The following NKAIN3 variants were observed in gnomAD, a reference collection of about 807,000 sequenced individuals.
NKAIN3 encodes the protein sodium/potassium transporting ATPase interacting 3, also known as sodium/potassium-transporting ATPase subunit beta-1-interacting protein 3.
NKAIN3 carries 25 observed loss-of-function variants against 30.2 expected under a neutral mutation model. That is an observed-to-expected ratio of 0.83 (90% CI 0.60 to 1.16). NKAIN3 has a LOEUF of 1.16. NKAIN3 is among the 50% of genes most tolerant of loss of function. NKAIN3 has a pLI of 0.00. For missense variants in NKAIN3, 225 were observed against 254.1 expected, an observed-to-expected ratio of 0.89 and a Z score of 0.78; for synonymous variants, 91 against 89.6, an observed-to-expected ratio of 1.02 and a Z score of -0.09.
chr8:62,529,064 C>A (rs1035939573), intron 1 of NKAIN3, among the ~76,000 whole-genome samples: 7 of 152,070 alleles, frequency 4.6e-5, no homozygotes, highest in Non-Finnish European at 7.4e-5. Context: ...CAATCTTTTT[C>A]TTCTTTATCA....
intron 4 of NKAIN3, among the ~76,000 whole-genome samples, chr8:62,806,562 C>A (rs985600880): frequency 1.3e-5 from 2 of 151,980 alleles, no homozygotes; most frequent in African/African-American, 2.4e-5. Flanking sequence ...GGACAAAAAA[C>A]CAAACACCGC....
chr8:62,745,240 C>T (rs1586154249), intron 3 of NKAIN3, among the ~76,000 whole-genome samples: 1 of 152,204 alleles, frequency 6.6e-6, no homozygotes, highest in South Asian at 2.1e-4. Flanking sequence ...ACACTGTCCT[C>T]AAAGGAACCT....
intron 5 of NKAIN3, among the ~76,000 whole-genome samples, chr8:62,934,037 G>T (rs1822705544): frequency 6.6e-6 from 1 of 152,176 alleles, no homozygotes; most frequent in Admixed American, 6.5e-5. Context: ...CACAATTTGT[G>T]TGTCTTTAAA....
chr8:62,555,754 T>G (rs2129955988), intron 1 of NKAIN3, among the ~76,000 whole-genome samples: 1 of 152,172 alleles, frequency 6.6e-6, no homozygotes, highest in South Asian at 2.1e-4. Flanking sequence ...AAAGATACAT[T>G]TTTTAAAATT....
intron 1 of NKAIN3, among the ~76,000 whole-genome samples, chr8:62,543,742 A>G (rs1808916277): frequency 6.6e-6 from 1 of 152,204 alleles, no homozygotes; most frequent in African/African-American, 2.4e-5. Flanking sequence ...AAGAAACTGA[A>G]AATCTCAGAT....
At chr8:62,440,803 C>T (rs965231888) in intron 1 of NKAIN3, among the ~76,000 whole-genome samples, 20 of 152,070 alleles carry the variant, frequency 1.3e-4, no homozygotes, top group African/African-American at 4.8e-4. Context: ...TAGCCATGGG[C>T]TGCCAGAGGC....
intron 1 of NKAIN3, among the ~76,000 whole-genome samples, chr8:62,513,345 C>T (rs912257932): frequency 3.3e-5 from 5 of 151,610 alleles, no homozygotes; most frequent in Admixed American, 1.3e-4. Context: ...AGTTGCTGCT[C>T]TCTCAGAGAT....
chr8:62,594,347 G>C (rs999359537), intron 3 of NKAIN3, among the ~76,000 whole-genome samples: 2 of 151,990 alleles, frequency 1.3e-5, no homozygotes, highest in African/African-American at 2.4e-5. Context: ...CATCTCTCCA[G>C]GAAATTCCTC....
At chr8:62,802,525 G>C (rs990386457) in intron 4 of NKAIN3, among the ~76,000 whole-genome samples, 1 of 152,152 alleles carries the variant, frequency 6.6e-6, no homozygotes, top group Admixed American at 6.5e-5. Context: ...AGCTTCATAA[G>C]TGAAGGAGAA....
rs373105086 is a variant in NKAIN3 at position 62,292,238 on chromosome 8, T to G, written c.54+43111T>G. Among the ~76,000 whole-genome samples the G allele has an allele frequency of 1.1e-4, 16 of 152,324 alleles. No homozygotes were observed. The East Asian group carries it at 2.9e-3, about 28-fold the overall frequency. On this transcript the variant is annotated intron_variant, in intron 1 of 6. Transcript: ENST00000623646. ...TTGGAGCATTAAGCCCATTTACATT[T>G]AAGTTTAATATTGTTATGTGTGAAT...
chr8:62,651,303 C>A (rs1016646846), intron 3 of NKAIN3, among the ~76,000 whole-genome samples: 1 of 151,940 alleles, frequency 6.6e-6, no homozygotes, highest in Non-Finnish European at 1.5e-5. Flanking sequence ...GTTCTTAGCA[C>A]CTTATATTAT....
At chr8:62,930,554 C>T (rs62508066) in intron 5 of NKAIN3, among the ~76,000 whole-genome samples, 3,086 of 151,874 alleles carry the variant, frequency 0.02, 47 homozygotes, top group Non-Finnish European at 0.032. Flanking sequence ...GCGACCTGCC[C>T]TCTATTCTAC....
intron 3 of NKAIN3, among the ~76,000 whole-genome samples, chr8:62,722,961 T>G (rs1378059505): frequency 6.6e-6 from 1 of 152,130 alleles, no homozygotes; most frequent in Non-Finnish European, 1.5e-5. Context: ...TGGTGACAAA[T>G]AAGAACCTGC....
At position 62,466,549 on chromosome 8, in the gene NKAIN3, C is replaced by T. The variant is rs150649310; in HGVS notation, c.55-112990C>T. 4.6e-5 allele frequency among the ~76,000 whole-genome samples: 7 copies of T among 152,260 alleles called. No homozygotes were observed. In the East Asian group the frequency reaches 1.4e-3, roughly 29 times the overall value. ...CTGCGGTTTCCAGCTCATACCCTGA[C>T]ACAAGAAAGGGCAAGGAGAGTTGTG... is the stretch of plus-strand genomic sequence containing the variant. On this transcript the variant is annotated intron_variant, in intron 1 of 6. Coordinates refer to ENST00000623646, the MANE Select transcript of NKAIN3 (RefSeq NM_001304533.3).
At chr8:62,326,755 G>A (rs1815151388) in intron 1 of NKAIN3, among the ~76,000 whole-genome samples, 1 of 152,046 alleles carries the variant, frequency 6.6e-6, no homozygotes, top group South Asian at 2.1e-4. Context: ...ACGCTGCCAT[G>A]AACATGAGTA....
At chr8:62,859,118 G>T (rs1019637664) in intron 4 of NKAIN3, among the ~76,000 whole-genome samples, 1 of 152,156 alleles carries the variant, frequency 6.6e-6, no homozygotes, top group Non-Finnish European at 1.5e-5. Context: ...AAGATCTGTG[G>T]GAGAAGCGTG....
intron 3 of NKAIN3, among the ~76,000 whole-genome samples, chr8:62,688,442 G>A (rs1813861123): frequency 6.6e-6 from 1 of 152,058 alleles, no homozygotes; most frequent in Non-Finnish European, 1.5e-5. Flanking sequence ...TTAAATCTGT[G>A]CACCTTAAAA....
At chr8:62,456,981 TG>T (rs1805844165) in intron 1 of NKAIN3, among the ~76,000 whole-genome samples, 1 of 152,250 alleles carries the variant, frequency 6.6e-6, no homozygotes, top group South Asian at 2.1e-4. Context: ...TTAAAGTGTT[TG>T]CCTTTCTTAG....
chr8:62,962,863 T>C (rs1298698950), intron 6 of NKAIN3, among the ~76,000 whole-genome samples: 1 of 152,178 alleles, frequency 6.6e-6, no homozygotes, highest in Non-Finnish European at 1.5e-5. Flanking sequence ...TGCGTAGAGA[T>C]TCATAATACT....
Sources: gnomAD v4.1 joint callset for allele counts (sites outside exome capture counted in the v4.1 genomes callset) on GRCh38, gnomAD v4.1.1 for gene constraint, MANE v1.5 for transcripts, NCBI Gene and HGNC (gene_info 2026-07-23, HGNC 2026-07-21) for gene names.